Variants in KIAA1614 observed in about 807,000 individuals in gnomAD.
KIAA1614 encodes the protein KIAA1614, also known as uncharacterized protein KIAA1614.
Under a neutral mutation model 88.7 loss-of-function variants are expected in KIAA1614, and 76 were observed. That is an observed-to-expected ratio of 0.86 (90% CI 0.71 to 1.04). KIAA1614 has a LOEUF of 1.04. KIAA1614 is among the 50% of genes least tolerant of loss of function. The probability of loss-of-function intolerance (pLI) is 0.00; values close to 1 mark genes in which losing one functional copy is unlikely to be tolerated. For synonymous variants in KIAA1614, 714 were observed against 675.5 expected, an observed-to-expected ratio of 1.06 and a Z score of -0.88; for missense variants, 1,553 against 1,582.5, an observed-to-expected ratio of 0.98 and a Z score of 0.32.
chr1:180,926,210 G>A lies in KIAA1614; in HGVS notation c.1062-2220G>A, dbSNP rs937266085. On this transcript the variant is annotated intron_variant, in intron 3 of 8. Transcript: ENST00000367588. Reference sequence around the variant, plus strand: ...CTGGGAGCTGGGAGGTGGGCAGTGAGATGGGACAGACTCAGCACCCACCCC... The same window carrying A: ...CTGGGAGCTGGGAGGTGGGCAGTGAAATGGGACAGACTCAGCACCCACCCC... Among the ~76,000 whole-genome samples, 13 of 152,334 alleles carry A rather than the reference G, an allele frequency of 8.5e-5. No homozygotes were observed. The South Asian group carries it at 2.1e-3, about 24-fold the overall frequency.
chr1:180,916,705 C>G lies in KIAA1614; in HGVS notation c.602C>G (p.Pro201Arg). ...ACACTTCCTGACCATGACAGAGGTC[C>G]GCTGCTGGGGCCCAGCTCTTTGCAA... ...EWTLPDHDRG[P>R]LLGPSSLQQS... The change falls in exon 2 of 9, where the codon CCG becomes CGG. Residue 201 changes from proline to arginine, a missense_variant. By Grantham distance (103) the Pro-to-Arg change is moderately radical. Coordinates refer to ENST00000367588, the MANE Select transcript of KIAA1614 (RefSeq NM_020950.2). 1 of 1,612,182 alleles carries G rather than the reference C, an allele frequency of 6.2e-7. No individual in the cohort carries two copies. Among genetic ancestry groups the G allele is most frequent in the Non-Finnish European group, 8.5e-7 (1 of 1,178,914 alleles).
intron 3 of KIAA1614, among the ~76,000 whole-genome samples, chr1:180,921,816 G>C (rs1653958489): frequency 6.6e-6 from 1 of 152,230 alleles, no homozygotes; most frequent in Admixed American, 6.5e-5. Flanking sequence ...TCTGTGCCTG[G>C]AAGGACTCAT....
chr1:180,920,865 G>C (rs967027977), intron 3 of KIAA1614, among the ~76,000 whole-genome samples: 3 of 152,204 alleles, frequency 2.0e-5, no homozygotes, highest in Non-Finnish European at 4.4e-5. Flanking sequence ...ACTTAATGAG[G>C]GGCAAGAGAA....
chr1:180,942,969 C>G (rs1654500608), intron 7 of KIAA1614, among the ~76,000 whole-genome samples: 1 of 152,130 alleles, frequency 6.6e-6, no homozygotes, highest in Non-Finnish European at 1.5e-5. Flanking sequence ...CATTCCAATA[C>G]TTGCTGTTGG....
chr1:180,936,423 G>A lies in KIAA1614; in HGVS notation c.2514G>A (p.Glu838=), dbSNP rs748559857. 7 of 1,614,204 alleles carry A rather than the reference G, an allele frequency of 4.3e-6. No homozygotes were observed. Among genetic ancestry groups the A allele is most frequent in the South Asian group, 1.1e-5 (1 of 91,090 alleles). Residue 838 remains glutamate (E), a synonymous_variant, in exon 5 of 9, where the codon GAG becomes GAA. Coordinates refer to ENST00000367588, the MANE Select transcript of KIAA1614 (RefSeq NM_020950.2). ...TGCTCAGGCTGGGTGACCAGACAGA[G>A]CCTGTGGGTATCCCTCGGCCTCCTT... The part of the protein sequence containing the change: ...AGLLRLGDQT[E]PVGIPRPPSR...
Position 180,936,216 on chromosome 1 carries a change from C to T in KIAA1614, c.2307C>T (p.Ser769=), listed in dbSNP as rs3795505. The T allele has an allele frequency of 0.42, 671,399 of 1,613,830 alleles. 143,359 individuals are homozygous for T. The highest frequency in any genetic ancestry group is 0.5 in the South Asian group (45,252 of 91,058). The change falls in exon 5 of 9, where the codon AGC becomes AGT. Residue 769 remains serine (S), a synonymous_variant. Transcript: ENST00000367588. The part of the protein sequence containing the change: ...GPGGQAQVTE[S]HESLEIVSPS... ...GAGGCCAGGCCCAGGTTACAGAAAGCCACGAGTCCCTGGAAATTGTCTCTC... is the reference window on the plus strand; with the variant it reads ...GAGGCCAGGCCCAGGTTACAGAAAGTCACGAGTCCCTGGAAATTGTCTCTC...
intron 5 of KIAA1614, among the ~76,000 whole-genome samples, chr1:180,937,206 T>C (rs539769139): frequency 4.3e-4 from 65 of 152,394 alleles, no homozygotes; most frequent in Admixed American, 1.7e-3. Flanking sequence ...CCAGGCACTA[T>C]ACTAGGCACT....
At chr1:180,920,331 G>A (rs756147694) in intron 3 of KIAA1614, among the ~76,000 whole-genome samples, 8 of 152,226 alleles carry the variant, frequency 5.3e-5, no homozygotes, top group Non-Finnish European at 8.8e-5. Flanking sequence ...TCTATGCCCC[G>A]GGAGTGCCAC....
chr1:180,943,969 G>A, intron 7 of KIAA1614: 1 of 161,426 alleles, frequency 6.2e-6, no homozygotes, highest in Non-Finnish European at 1.3e-5. Context: ...GTTTGAAGGT[G>A]CAATATTCAA....
intron 5 of KIAA1614, 86 bp downstream of exon 5, chr1:180,936,756 C>CGA: frequency 1.2e-6 from 1 of 845,746 alleles, no homozygotes. Context: ...GACACACAGG[C>CGA]CTTCAGAGTC....
At chr1:180,938,957 G>A (rs986466350) in intron 6 of KIAA1614, among the ~76,000 whole-genome samples, 1 of 152,250 alleles carries the variant, frequency 6.6e-6, no homozygotes. Flanking sequence ...CACTGTGCCG[G>A]TGCCTGGGGC....
At chr1:180,937,492 C>G (rs932009008) in intron 5 of KIAA1614, among the ~76,000 whole-genome samples, 4 of 152,220 alleles carry the variant, frequency 2.6e-5, no homozygotes, top group African/African-American at 9.6e-5. Flanking sequence ...GGCTCAGGCT[C>G]TGATCCCTGG....
At position 180,935,478 on chromosome 1, in the gene KIAA1614, A is replaced by T. The variant is rs997360257; in HGVS notation, c.1569A>T (p.Gly523=). Reference sequence around the variant, plus strand: ...TTGTGGGCAGCCTGGACCGCAGGGGACACCCGGCACCGCCGGCACCGGGCA... The same window carrying T: ...TTGTGGGCAGCCTGGACCGCAGGGGTCACCCGGCACCGCCGGCACCGGGCA... The part of the protein sequence containing the change: ...HRLVGSLDRR[G]HPAPPAPGSE... Residue 523 remains glycine, a synonymous_variant, in exon 5 of 9, where the codon GGA becomes GGT. Transcript: ENST00000367588. This position sits in a 1 kb window ranked among gnomAD's most constrained non-coding sequence, Gnocchi z 6.1. The T allele has an allele frequency of 6.8e-7, 1 of 1,477,564 alleles. No individual in the cohort carries two copies. Among genetic ancestry groups the T allele is most frequent in the Non-Finnish European group, 8.9e-7 (1 of 1,119,850 alleles). The allele number at this position is 1,477,564 out of a possible 1,614,324, so 91.5% of individuals were successfully genotyped here.
chr1:180,950,435 A>G lies in KIAA1614; in HGVS notation c.*4847A>G. 2 of 1,201,326 alleles carry G rather than the reference A, an allele frequency of 1.7e-6. No homozygotes were observed. Among genetic ancestry groups the G allele is most frequent in the Non-Finnish European group, 2.1e-6 (2 of 944,362 alleles). The allele number at this position is 1,201,326 out of a possible 1,614,324, so 74.4% of individuals were successfully genotyped here. A position where few individuals can be genotyped will look rare whatever the true frequency, so the allele number is the denominator to read the frequency against. ...TGAGATCCTCGAGGTGAACGGGGCC[A>G]AGGTGGCAGGGCTGGGCTTGGCTCA... is the stretch of plus-strand genomic sequence containing the variant. On this transcript the variant is annotated 3_prime_UTR_variant, in exon 9 of 9. Coordinates refer to ENST00000367588, the MANE Select transcript of KIAA1614 (RefSeq NM_020950.2).
intron 5 of KIAA1614, among the ~76,000 whole-genome samples, chr1:180,938,188 A>C (rs967857611): frequency 3.3e-5 from 5 of 152,174 alleles, no homozygotes; most frequent in African/African-American, 1.2e-4. Flanking sequence ...CCCTGTTCCC[A>C]CTGTGTCCCT....
intron 4 of KIAA1614, 115 bp from the exon 5 acceptor site, chr1:180,935,000 T>C: frequency 1.4e-6 from 1 of 719,830 alleles, no homozygotes; most frequent in Non-Finnish European, 2.0e-6. Context: ...TGGGTTGCGG[T>C]TGCCACAGAG....
At chr1:180,930,046 AG>A (rs1362199899) in intron 4 of KIAA1614, among the ~76,000 whole-genome samples, 2 of 152,134 alleles carry the variant, frequency 1.3e-5, no homozygotes, top group African/African-American at 4.8e-5. Flanking sequence ...AATCCTGGCA[AG>A]GGGTGCCAAA....
chr1:180,929,443 G>A (rs1238729102), intron 4 of KIAA1614, among the ~76,000 whole-genome samples: 1 of 152,194 alleles, frequency 6.6e-6, no homozygotes, highest in Non-Finnish European at 1.5e-5. Flanking sequence ...ACATCCACTG[G>A]AAATGCCCAC....
At chr1:180,921,780 T>G (rs1653957593) in intron 3 of KIAA1614, among the ~76,000 whole-genome samples, 1 of 152,092 alleles carries the variant, frequency 6.6e-6, no homozygotes, top group Non-Finnish European at 1.5e-5. Flanking sequence ...AGGTGAGACG[T>G]TGGGCCTCAC....
Sources: gnomAD v4.1 joint callset for allele counts (sites outside exome capture counted in the v4.1 genomes callset) on GRCh38, gnomAD v4.1.1 for gene constraint, Gnocchi (gnomAD v3.1) non-coding constraint, MANE v1.5 for transcripts, NCBI Gene and HGNC (gene_info 2026-07-23, HGNC 2026-07-21) for gene names.